NLN: variants seen among roughly 807,000 people sequenced by gnomAD.
NLN encodes neurolysin, also known as neurolysin, mitochondrial.
A neutral mutation model predicts 79.9 loss-of-function variants in NLN; 64 were observed. That is an observed-to-expected ratio of 0.80 (90% CI 0.65 to 0.99). The LOEUF (loss-of-function observed/expected upper bound fraction) is 0.99, where lower values mean the gene tolerates loss of function less well. Among genes scored for constraint, NLN ranks in the 50% least tolerant of loss-of-function variants. NLN has a pLI of 0.00. For synonymous variants in NLN, 267 were observed against 296.6 expected, an observed-to-expected ratio of 0.90 and a Z score of 1.02; for missense variants, 835 against 858.7, an observed-to-expected ratio of 0.97 and a Z score of 0.34.
chr5:65,723,705 C>T (rs1758379171), intron 1 of NLN, among the ~76,000 whole-genome samples: 2 of 149,036 alleles, frequency 1.3e-5, no homozygotes, highest in Non-Finnish European at 3.0e-5. Flanking sequence ...GTCCCAGCTA[C>T]TCGGGAGGCT....
intron 12 of NLN, among the ~76,000 whole-genome samples, chr5:65,822,344 A>G (rs1760821374): frequency 6.6e-6 from 1 of 152,192 alleles, no homozygotes; most frequent in African/African-American, 2.4e-5. Flanking sequence ...AGCCCATCAT[A>G]AAAGCAGCAG....
rs1195097381 is a variant in NLN, at chr5:65,816,332, G to A, written c.1980+3941G>A. Among the ~76,000 whole-genome samples the A allele has an allele frequency of 3.3e-5, 5 of 152,202 alleles. No homozygotes were observed. The South Asian group carries it at 8.3e-4, about 25-fold the overall frequency. ...CTTAAAAGTGGGAGCTAAATGATGCGAACACATGGACACGTAGAGGAGAAC... is the reference window on the plus strand; with the variant it reads ...CTTAAAAGTGGGAGCTAAATGATGCAAACACATGGACACGTAGAGGAGAAC... On this transcript the variant is annotated intron_variant, in intron 12 of 12. Transcript: ENST00000380985.
chr5:65,797,061 C>A (rs941134673), intron 9 of NLN, among the ~76,000 whole-genome samples: 1 of 152,196 alleles, frequency 6.6e-6, no homozygotes, highest in Admixed American at 6.5e-5. Flanking sequence ...ACTCGTATTA[C>A]GTTTACAGGG....
In NLN at chr5:65,722,299, C is replaced by G. The variant is rs2548786; in HGVS notation, c.-75C>G. 0.22 allele frequency: 282,989 copies of G among 1,259,934 alleles called. 32,920 individuals carry two copies. The highest frequency in any genetic ancestry group is 0.24 in the Non-Finnish European group (223,932 of 930,670). The allele number at this position is 1,259,934 out of a possible 1,614,324, so 78.0% of individuals were successfully genotyped here. A position where few individuals can be genotyped will look rare whatever the true frequency, so the allele number is the denominator to read the frequency against. On this transcript the variant is annotated 5_prime_UTR_variant, in exon 1 of 13. Transcript: ENST00000380985. ...GGCCGGCTCGAGACTCCCGGGCGCC[C>G]AGGCGCTGCCGCCCGCCTCGCCGCC...
intron 12 of NLN, among the ~76,000 whole-genome samples, chr5:65,814,593 A>G (rs2150776212): frequency 6.6e-6 from 1 of 152,264 alleles, no homozygotes; most frequent in Admixed American, 6.5e-5. Context: ...GGAGGAGTGG[A>G]CCAAGCCTTC....
chr5:65,798,239 A>G (rs1036781755), intron 9 of NLN, among the ~76,000 whole-genome samples: 6 of 152,182 alleles, frequency 3.9e-5, no homozygotes, highest in Non-Finnish European at 8.8e-5. Context: ...GTAGATGGGT[A>G]CTGTTATTGT....
At chr5:65,816,487 A>G (rs1760673763) in intron 12 of NLN, among the ~76,000 whole-genome samples, 1 of 152,024 alleles carries the variant, frequency 6.6e-6, no homozygotes, top group Non-Finnish European at 1.5e-5. Context: ...CATGTGACAC[A>G]AGTTTACCTA....
At chr5:65,768,851 AC>A (rs1471859802) in intron 3 of NLN, among the ~76,000 whole-genome samples, 1 of 152,242 alleles carries the variant, frequency 6.6e-6, no homozygotes, top group Non-Finnish European at 1.5e-5. Context: ...CAGATTAAGA[AC>A]TGCCCTTCTG....
rs556618555 is a variant in NLN, at chr5:65,747,366, A to G, written c.42-11201A>G. On this transcript the variant is annotated intron_variant, in intron 1 of 12. Transcript: ENST00000380985. Reference sequence around the variant, plus strand: ...GGGAGTCCAACTCAAATCAGAGGCCATGATATAATAGTATCAAAACCCATA... The same window carrying G: ...GGGAGTCCAACTCAAATCAGAGGCCGTGATATAATAGTATCAAAACCCATA... Among the ~76,000 whole-genome samples, 14 of 152,332 alleles carry G rather than the reference A, an allele frequency of 9.2e-5. No homozygotes were observed. The South Asian group carries it at 2.5e-3, about 27-fold the overall frequency.
intron 5 of NLN, 22 bp downstream of exon 5, chr5:65,780,303 G>A: frequency 1.0e-6 from 1 of 960,136 alleles, no homozygotes; most frequent in Non-Finnish European, 1.6e-6. Flanking sequence ...TATTTTTCTA[G>A]ATTAAATCAT....
intron 12 of NLN, among the ~76,000 whole-genome samples, chr5:65,818,537 T>C (rs1397740560): frequency 6.6e-6 from 1 of 152,210 alleles, no homozygotes. Flanking sequence ...ACTATTCTTG[T>C]CTCCATCTCT....
intron 4 of NLN, 143 bp downstream of exon 4, chr5:65,777,677 C>G (rs1759708613): frequency 1.6e-6 from 1 of 606,186 alleles, no homozygotes; most frequent in African/African-American, 1.9e-5. Flanking sequence ...AGAGGAAATG[C>G]TCATTGGAGC....
At chr5:65,756,661 TGTC>T (rs1185706745) in intron 1 of NLN, among the ~76,000 whole-genome samples, 1 of 152,158 alleles carries the variant, frequency 6.6e-6, no homozygotes, top group Non-Finnish European at 1.5e-5. Flanking sequence ...TTTTTGTTGT[TGTC>T]GTTGTTGTTT....
chr5:65,747,991 A>G (rs892697209), intron 1 of NLN, among the ~76,000 whole-genome samples: 1 of 152,094 alleles, frequency 6.6e-6, no homozygotes, highest in Non-Finnish European at 1.5e-5. Context: ...ACCTGAGGTC[A>G]GGAGTTCAAG....
intron 11 of NLN, 83 bp downstream of exon 11, chr5:65,810,248 C>T: frequency 8.5e-7 from 1 of 1,179,038 alleles, no homozygotes; most frequent in Non-Finnish European, 1.2e-6. Flanking sequence ...TGGAGTTTGT[C>T]AGACAGATTA....
At chr5:65,813,060 T>G (rs1404649005) in intron 12 of NLN, among the ~76,000 whole-genome samples, 3 of 152,212 alleles carry the variant, frequency 2.0e-5, no homozygotes, top group Non-Finnish European at 4.4e-5. Context: ...GATTCAGAAA[T>G]TAGAAGAACA....
At chr5:65,779,648 A>G (rs1036629485) in intron 4 of NLN, among the ~76,000 whole-genome samples, 1 of 152,186 alleles carries the variant, frequency 6.6e-6, no homozygotes, top group Non-Finnish European at 1.5e-5. Flanking sequence ...CTCAGAAACT[A>G]TTTATTGTGT....
chr5:65,733,704 C>T lies in NLN; in HGVS notation c.41+11290C>T. 2.2e-6 allele frequency: 3 copies of T among 1,345,698 alleles called. 1 individual carries two copies. The highest frequency in any genetic ancestry group is 3.1e-6 in the Non-Finnish European group (3 of 972,444). 83.4% of individuals were successfully genotyped at this position (1,345,698 alleles called of 1,614,324 possible). ...ATACGCTTTCTTCTGGACCCTTGGG[C>T]ACTAAAATCTAGGACACAGGTGCTT... On this transcript the variant is annotated intron_variant, in intron 1 of 12. Coordinates refer to ENST00000380985, the MANE Select transcript of NLN (RefSeq NM_020726.5).
rs553615480 is a variant in NLN, at chr5:65,783,308, G to T, written c.822+1887G>T. Among the ~76,000 whole-genome samples the T allele has an allele frequency of 3.3e-5, 5 of 152,174 alleles. No homozygotes were observed. In the South Asian group the frequency reaches 6.2e-4, roughly 19 times the overall value. ...ATTTTACCACAATTTTTTTTTAAAA[G>T]ATTTGTCTTATAACTGTAAGTCAAG... On this transcript the variant is annotated intron_variant, in intron 6 of 12. Transcript: ENST00000380985.
Sources: gnomAD v4.1 joint callset for allele counts (sites outside exome capture counted in the v4.1 genomes callset) on GRCh38, gnomAD v4.1.1 for gene constraint, MANE v1.5 for transcripts, NCBI Gene and HGNC (gene_info 2026-07-23, HGNC 2026-07-21) for gene names.